Variants in OSBPL3 observed in about 807,000 individuals in gnomAD.
The protein encoded by OSBPL3 is oxysterol-binding protein-related protein 3.
OSBPL3 carries 65 observed loss-of-function variants against 120.1 expected under a neutral mutation model. The ratio of observed to expected loss-of-function variants is 0.54; its 90% confidence interval spans 0.44 to 0.67. The LOEUF is 0.67. OSBPL3 is among the 30% of genes least tolerant of loss of function. OSBPL3 has a pLI of 0.00. For missense variants in OSBPL3, 1,004 were observed against 1,082.1 expected, an observed-to-expected ratio of 0.93 and a Z score of 1.01; for synonymous variants, 416 against 402.6, an observed-to-expected ratio of 1.03 and a Z score of -0.40.
At position 24,964,433 on chromosome 7, in the gene OSBPL3, T is replaced by C. The variant is rs1344903596; in HGVS notation, c.-150+15453A>G. On this transcript the variant is annotated intron_variant, in intron 1 of 22. Transcript: ENST00000313367. The surrounding 1 kb of genome is among the most constrained non-coding windows in gnomAD (Gnocchi z 4.2). ...TGGCATTTTACCTCTGTAATCTTCT[T>C]CCCCAAAACCCATAACCCCAGTCCA... Among the ~76,000 whole-genome samples, 1 of 152,076 alleles carries C rather than the reference T, an allele frequency of 6.6e-6. No homozygotes were observed. The highest frequency in any genetic ancestry group is 1.5e-5 in the Non-Finnish European group (1 of 68,022).
chr7:24,954,049 C>T (rs139625690), intron 1 of OSBPL3, among the ~76,000 whole-genome samples: 1 of 152,084 alleles, frequency 6.6e-6, no homozygotes, highest in Middle Eastern at 3.2e-3. Context: ...CATCCAAGAC[C>T]TTCCTTCCTC....
At chr7:24,915,123 A>T (rs1021822845) in intron 1 of OSBPL3, among the ~76,000 whole-genome samples, 1 of 152,198 alleles carries the variant, frequency 6.6e-6, no homozygotes, top group African/African-American at 2.4e-5. Context: ...GGGAGAGAGA[A>T]TGAGAAATCT....
Position 24,805,835 on chromosome 7 carries a change from T to C in OSBPL3, c.2444+941A>G, listed in dbSNP as rs936764739. ...GTCCATTTTTTCTAATGGGTTGATC[T>C]GTTACTAGATTTCTAGAGGCAATTC... On this transcript the variant is annotated intron_variant, in intron 21 of 22. Transcript: ENST00000313367. This position sits in a 1 kb window ranked among gnomAD's most constrained non-coding sequence, Gnocchi z 4.0. 6.6e-6 allele frequency among the ~76,000 whole-genome samples: 1 copy of C among 152,240 alleles called. No homozygotes were observed. The highest frequency in any genetic ancestry group is 2.4e-5 in the African/African-American group (1 of 41,460).
rs1442894791 is a variant in OSBPL3 at position 24,820,284 on chromosome 7, G to T, written c.1885-46C>A. 2.1e-6 allele frequency: 3 copies of T among 1,413,848 alleles called. No individual in the cohort carries two copies. The highest frequency in any genetic ancestry group is 1.8e-4 in the Middle Eastern group (1 of 5,688). 87.6% of individuals were successfully genotyped at this position (1,413,848 alleles called of 1,614,324 possible). A position where few individuals can be genotyped will look rare whatever the true frequency, so the allele number is the denominator to read the frequency against. On this transcript the variant is annotated intron_variant, in intron 16 of 22. Coordinates refer to ENST00000313367, the MANE Select transcript of OSBPL3 (RefSeq NM_015550.4). This position sits in a 1 kb window ranked among gnomAD's most constrained non-coding sequence, Gnocchi z 4.6. ...AAAAACAAAAAATGAATGAACTTTT[G>T]TGTCTCATGAAATCCATTCTTTCTC...
chr7:24,895,196 G>A lies in OSBPL3; in HGVS notation c.-149-2575C>T, dbSNP rs117467502. ...AATTTCAAGAGAAGGATATATAGTC[G>A]CATGCCACATCATGGGGTTTCAGTC... On this transcript the variant is annotated intron_variant, in intron 1 of 22. Coordinates refer to ENST00000313367, the MANE Select transcript of OSBPL3 (RefSeq NM_015550.4). 6.2e-4 allele frequency among the ~76,000 whole-genome samples: 95 copies of A among 152,300 alleles called. No homozygotes were observed. In the East Asian group the frequency reaches 9.8e-3, roughly 16 times the overall value.
rs182180419 is a variant in OSBPL3, at chr7:24,944,586, C to T, written c.-150+35300G>A. ...CGGAGGTTGCAGTGAGCTGAGATTG[C>T]GCCACTGCACTCCATCTTGGGTGAA... On this transcript the variant is annotated intron_variant, in intron 1 of 22. Transcript: ENST00000313367. Among the ~76,000 whole-genome samples, 575 of 151,136 alleles carry T rather than the reference C, an allele frequency of 3.8e-3. 2 individuals carry two copies. Among genetic ancestry groups the T allele is most frequent in the African/African-American group, 0.013 (529 of 41,122 alleles).
intron 1 of OSBPL3, among the ~76,000 whole-genome samples, chr7:24,909,875 G>A (rs1808572596): frequency 7.5e-6 from 1 of 133,248 alleles, no homozygotes; most frequent in Non-Finnish European, 1.5e-5. Context: ...TCAGATCTCA[G>A]CTCACTGCAA....
In OSBPL3 at chr7:24,820,229, G is replaced by A. The variant is rs1407396667; in HGVS notation, c.1894C>T (p.His632Tyr). Residue 632 changes from histidine to tyrosine, a missense_variant, in exon 17 of 23, where the codon CAT becomes TAT. His to Tyr is a moderately conservative substitution (Grantham distance 83). Coordinates refer to ENST00000313367, the MANE Select transcript of OSBPL3 (RefSeq NM_015550.4). The surrounding 1 kb of genome is among the most constrained non-coding windows in gnomAD (Gnocchi z 4.6). ...GCATGACACGCAGAGATAGGCGGAT[G>A]GTGGCTGACCTGATGGAAACAAAGG... ...FQFFSEQVSH[H>Y]PPISACHAES... 2 of 1,611,554 alleles carry A rather than the reference G, an allele frequency of 1.2e-6. No homozygotes were observed. The highest frequency in any genetic ancestry group is 2.7e-5 in the African/African-American group (2 of 74,782).
At chr7:24,950,676 C>T (rs1307712819) in intron 1 of OSBPL3, among the ~76,000 whole-genome samples, 5 of 152,166 alleles carry the variant, frequency 3.3e-5, no homozygotes, top group East Asian at 1.9e-4. Flanking sequence ...GAGCGGAGAT[C>T]GTGCCACTGC....
chr7:24,878,507 T>C (rs1372472536), intron 2 of OSBPL3, among the ~76,000 whole-genome samples: 1 of 152,176 alleles, frequency 6.6e-6, no homozygotes, highest in African/African-American at 2.4e-5. Context: ...CGATCATCAA[T>C]ATTACCTTTT....
rs750849474 is a variant in OSBPL3 at position 24,871,712 on chromosome 7, A to G, written c.267+30T>C. ...ATGGTTACCCCTTTAGGATTCTTCA[A>G]TACCACAGTGGGCCCACAAAAAGAC... is the stretch of plus-strand genomic sequence containing the variant. On this transcript the variant is annotated intron_variant, in intron 4 of 22. Coordinates refer to ENST00000313367, the MANE Select transcript of OSBPL3 (RefSeq NM_015550.4). This position sits in a 1 kb window ranked among gnomAD's most constrained non-coding sequence, Gnocchi z 4.8. 5.1e-6 allele frequency: 8 copies of G among 1,568,312 alleles called. No individual in the cohort carries two copies. In the Admixed American group the frequency reaches 6.7e-5, roughly 13 times the overall value.
At position 24,893,984 on chromosome 7, in the gene OSBPL3, A is replaced by G. The variant is rs1234692570; in HGVS notation, c.-149-1363T>C. On this transcript the variant is annotated intron_variant, in intron 1 of 22. Transcript: ENST00000313367. ...GCAGGTTAACAACATCAAAATATACATACATATATATATATATCTCCAACC... is the reference window on the plus strand; with the variant it reads ...GCAGGTTAACAACATCAAAATATACGTACATATATATATATATCTCCAACC... 2.0e-5 allele frequency among the ~76,000 whole-genome samples: 3 copies of G among 152,096 alleles called. 1 individual carries two copies. The highest frequency in any genetic ancestry group is 4.1e-4 in the South Asian group (2 of 4,824).
In OSBPL3 at chr7:24,849,676, G is replaced by A. The variant is rs188899141; in HGVS notation, c.1159-500C>T. Among the ~76,000 whole-genome samples the A allele has an allele frequency of 1.5e-4, 23 of 152,274 alleles. No homozygotes were observed. Among genetic ancestry groups the A allele is most frequent in the South Asian group, 2.1e-4 (1 of 4,824 alleles). ...GATTTTAGAAAGTGTGCTGGAGGCC[G>A]GGCAAGGTGGCTCACACCTGTAATT... On this transcript the variant is annotated intron_variant, in intron 11 of 22. Transcript: ENST00000313367. This position sits in a 1 kb window ranked among gnomAD's most constrained non-coding sequence, Gnocchi z 5.4.
At chr7:24,973,223 C>T (rs1817221315) in intron 1 of OSBPL3, among the ~76,000 whole-genome samples, 1 of 152,128 alleles carries the variant, frequency 6.6e-6, no homozygotes, top group Non-Finnish European at 1.5e-5. Flanking sequence ...CAGCCCACAC[C>T]CACTCAGAGA....
Position 24,834,838 on chromosome 7 carries a change from C to T in OSBPL3, c.1496-102G>A. ...CTTACGTAGCAAGTAGTCAATGTTA[C>T]TATTAAACTCAGTTGTTCAGAGTAT... is the stretch of plus-strand genomic sequence containing the variant. On this transcript the variant is annotated intron_variant, in intron 14 of 22. Coordinates refer to ENST00000313367, the MANE Select transcript of OSBPL3 (RefSeq NM_015550.4). The surrounding 1 kb of genome is among the most constrained non-coding windows in gnomAD (Gnocchi z 5.2). 1 of 1,082,778 alleles carries T rather than the reference C, an allele frequency of 9.2e-7. No homozygotes were observed. The highest frequency in any genetic ancestry group is 1.3e-6 in the Non-Finnish European group (1 of 778,346). 67.1% of individuals were successfully genotyped at this position (1,082,778 alleles called of 1,614,324 possible).
At position 24,804,746 on chromosome 7, in the gene OSBPL3, C is replaced by G. The variant is rs1332962439; in HGVS notation, c.2445-309G>C. On this transcript the variant is annotated intron_variant, in intron 21 of 22. Transcript: ENST00000313367. This position sits in a 1 kb window ranked among gnomAD's most constrained non-coding sequence, Gnocchi z 5.4. ...CTAGAAAACCCACTTTATTAGTTTC[C>G]TCTGCATCCTTCTAGAGATTCTTCA... 6.6e-6 allele frequency among the ~76,000 whole-genome samples: 1 copy of G among 152,176 alleles called. No individual in the cohort carries two copies. Among genetic ancestry groups the G allele is most frequent in the African/African-American group, 2.4e-5 (1 of 41,432 alleles).
chr7:24,800,026 C>T lies in OSBPL3; in HGVS notation c.*157G>A, dbSNP rs1050623956. 17 of 427,844 alleles carry T rather than the reference C, an allele frequency of 4.0e-5. No homozygotes were observed. Among genetic ancestry groups the T allele is most frequent in the South Asian group, 9.7e-5 (2 of 20,618 alleles). 26.5% of individuals were successfully genotyped at this position (427,844 alleles called of 1,614,324 possible). A position where few individuals can be genotyped will look rare whatever the true frequency, so the allele number is the denominator to read the frequency against. On this transcript the variant is annotated 3_prime_UTR_variant, in exon 23 of 23. Coordinates refer to ENST00000313367, the MANE Select transcript of OSBPL3 (RefSeq NM_015550.4). Reference sequence around the variant, plus strand: ...GGTAACATTTGAAATTGTAAAGAAACGCACTGAGGAAAATATAGACTTAAA... The same window carrying T: ...GGTAACATTTGAAATTGTAAAGAAATGCACTGAGGAAAATATAGACTTAAA...
chr7:24,830,637 T>G lies in OSBPL3; in HGVS notation c.1884+131A>C, dbSNP rs910032986. The G allele has an allele frequency of 1.1e-4, 105 of 919,554 alleles. 1 individual carries two copies. Among genetic ancestry groups the G allele is most frequent in the Admixed American group, 7.8e-5 (3 of 38,642 alleles). 57.0% of individuals were successfully genotyped at this position (919,554 alleles called of 1,614,324 possible). On this transcript the variant is annotated intron_variant, in intron 16 of 22. Transcript: ENST00000313367. The surrounding 1 kb of genome is among the most constrained non-coding windows in gnomAD (Gnocchi z 4.4). The stretch of plus-strand genomic sequence containing the variant: ...GAAGGGAAATCGATCCCTCCCTTTA[T>G]GTTGAAAAGCACTGTAATTATCTCG...
chr7:24,833,287 G>C lies in OSBPL3; in HGVS notation c.1746+1199C>G, dbSNP rs1562793479. On this transcript the variant is annotated intron_variant, in intron 15 of 22. Coordinates refer to ENST00000313367, the MANE Select transcript of OSBPL3 (RefSeq NM_015550.4). The surrounding 1 kb of genome is among the most constrained non-coding windows in gnomAD (Gnocchi z 4.4). ...GGAGGCCAGGGCAGGAGGGTTGCTT[G>C]AGTCTAGGAGTTCGAGGTTGCAGTG... is the stretch of plus-strand genomic sequence containing the variant. Among the ~76,000 whole-genome samples the C allele has an allele frequency of 1.3e-5, 2 of 152,184 alleles. No homozygotes were observed. The highest frequency in any genetic ancestry group is 3.9e-4 in the East Asian group (2 of 5,184).
Sources: gnomAD v4.1 joint callset for allele counts (sites outside exome capture counted in the v4.1 genomes callset) on GRCh38, gnomAD v4.1.1 for gene constraint, Gnocchi (gnomAD v3.1) non-coding constraint, MANE v1.5 for transcripts, NCBI Gene and HGNC (gene_info 2026-07-23, HGNC 2026-07-21) for gene names.